FHIT: variants seen among roughly 807,000 people sequenced by gnomAD.
FHIT encodes the protein fragile histidine triad diadenosine triphosphatase, also known as bis(5'-adenosyl)-triphosphatase.
A neutral mutation model predicts 17.9 loss-of-function variants in FHIT; 19 were observed. The ratio of observed to expected loss-of-function variants is 1.06; its 90% confidence interval spans 0.74 to 1.56. The LOEUF is 1.56. Ranked by LOEUF, FHIT falls within the 40% of genes most tolerant of loss-of-function variation. FHIT has a pLI of 0.00. For synonymous variants in FHIT, 81 were observed against 69.7 expected (o/e 1.16, Z -0.81); for missense variants, 248 against 189.2 (o/e 1.31, Z -1.82).
chr3:60,128,745 G>A lies in FHIT; in HGVS notation c.104-114593C>T, dbSNP rs190022437. Among the ~76,000 whole-genome samples the A allele has an allele frequency of 2.0e-5, 3 of 152,226 alleles. No individual in the cohort carries two copies. The East Asian group carries it at 5.8e-4, about 30-fold the overall frequency. On this transcript the variant is annotated intron_variant, in intron 5 of 9. Coordinates refer to ENST00000492590, the MANE Select transcript of FHIT (RefSeq NM_002012.4). ...ATTAGCAGAGTCTGTGATTTGGATT[G>A]GACATAGAAATGATATAGTCCATTC...
intron 8 of FHIT, among the ~76,000 whole-genome samples, chr3:59,890,021 T>C (rs1165911730): frequency 1.3e-5 from 2 of 152,218 alleles, no homozygotes; most frequent in Non-Finnish European, 2.9e-5. Flanking sequence ...AATGAAGACG[T>C]CATTAAAAAA....
intron 2 of FHIT, among the ~76,000 whole-genome samples, chr3:61,198,475 A>G (rs1473316091): frequency 6.6e-6 from 1 of 152,126 alleles, no homozygotes; most frequent in Non-Finnish European, 1.5e-5. Flanking sequence ...AATTACCTCA[A>G]AAAGAAATAA....
intron 5 of FHIT, among the ~76,000 whole-genome samples, chr3:60,111,531 C>T (rs75406466): frequency 0.027 from 4,129 of 152,248 alleles, 196 homozygotes; most frequent in African/African-American, 0.094. Context: ...TTCTTTGGGG[C>T]TATCTTTCCT....
chr3:60,713,034 T>A (rs1232142899), intron 4 of FHIT, among the ~76,000 whole-genome samples: 1 of 151,762 alleles, frequency 6.6e-6, no homozygotes, highest in Non-Finnish European at 1.5e-5. Context: ...GAAGTAAAGC[T>A]CTCCTCAACA....
At chr3:60,579,336 G>A (rs2037679747) in intron 4 of FHIT, among the ~76,000 whole-genome samples, 2 of 152,060 alleles carry the variant, frequency 1.3e-5, no homozygotes, top group African/African-American at 4.8e-5. Context: ...GTATATTTGT[G>A]TATCTAAATA....
Position 59,890,686 on chromosome 3 carries a change from A to T in FHIT, c.348+31660T>A, listed in dbSNP as rs147738653. On this transcript the variant is annotated intron_variant, in intron 8 of 9. Transcript: ENST00000492590. ...TGATCTTTGAAACACTATTACCAAA[A>T]AGCTGCTCAAAAGAGAGAGAGAAAT... 1.9e-3 allele frequency among the ~76,000 whole-genome samples: 282 copies of T among 152,304 alleles called. 1 individual carries two copies. The highest frequency in any genetic ancestry group is 6.2e-3 in the African/African-American group (257 of 41,562).
intron 5 of FHIT, among the ~76,000 whole-genome samples, chr3:60,441,728 A>G: frequency 1.1e-5 from 1 of 91,740 alleles, no homozygotes; most frequent in African/African-American, 4.6e-5. Context: ...ATATATTTGT[A>G]TTTATATATA....
At chr3:61,044,253 G>T (rs1048260452) in intron 2 of FHIT, among the ~76,000 whole-genome samples, 1 of 152,142 alleles carries the variant, frequency 6.6e-6, no homozygotes, top group Non-Finnish European at 1.5e-5. Flanking sequence ...TACATGAATG[G>T]CTAACTAGAA....
At chr3:61,120,595 C>T (rs1223044800) in intron 2 of FHIT, among the ~76,000 whole-genome samples, 1 of 152,102 alleles carries the variant, frequency 6.6e-6, no homozygotes, top group East Asian at 1.9e-4. Flanking sequence ...CTTTAGAAAT[C>T]CCCAACCAAC....
At chr3:60,986,723 C>T (rs970084880) in intron 3 of FHIT, among the ~76,000 whole-genome samples, 3 of 152,136 alleles carry the variant, frequency 2.0e-5, no homozygotes, top group Non-Finnish European at 2.9e-5. Flanking sequence ...GATAGCTTCA[C>T]CACACACTCA....
chr3:60,516,489 G>T (rs377390956), intron 5 of FHIT, among the ~76,000 whole-genome samples: 50 of 152,168 alleles, frequency 3.3e-4, no homozygotes, highest in Middle Eastern at 6.8e-3. Flanking sequence ...GACCTTCCGG[G>T]GCCCCAGGAC....
intron 5 of FHIT, among the ~76,000 whole-genome samples, chr3:60,332,364 G>C (rs1710022037): frequency 6.6e-6 from 1 of 152,162 alleles, no homozygotes; most frequent in Admixed American, 6.5e-5. Context: ...GGTATGCTTG[G>C]CTATAGAGTA....
chr3:60,701,283 T>C (rs2041240767), intron 4 of FHIT, among the ~76,000 whole-genome samples: 1 of 152,006 alleles, frequency 6.6e-6, no homozygotes, highest in Non-Finnish European at 1.5e-5. Context: ...GCCACTGTAA[T>C]TGCCCAGTGG....
intron 7 of FHIT, among the ~76,000 whole-genome samples, chr3:60,010,161 G>A (rs1344831281): frequency 6.6e-6 from 1 of 152,184 alleles, no homozygotes; most frequent in Non-Finnish European, 1.5e-5. Context: ...TTAAACATTT[G>A]TGTTTTGCAT....
At chr3:60,793,817 T>A (rs969245061) in intron 4 of FHIT, among the ~76,000 whole-genome samples, 9 of 152,098 alleles carry the variant, frequency 5.9e-5, no homozygotes, top group Non-Finnish European at 1.0e-4. Flanking sequence ...GTTCCTAAAC[T>A]CCAAGCACTT....
rs560627587 is a variant in FHIT, at chr3:60,881,816, A to T, written c.-110-59805T>A. On this transcript the variant is annotated intron_variant, in intron 3 of 9. Coordinates refer to ENST00000492590, the MANE Select transcript of FHIT (RefSeq NM_002012.4). ...CACATCAAAAGAGTAGAAAGACTTT[A>T]AATAAATAATCTAACAGTGCAAGAA... Among the ~76,000 whole-genome samples the T allele has an allele frequency of 3.3e-5, 5 of 152,226 alleles. No individual in the cohort carries two copies. The South Asian group carries it at 1.0e-3, about 32-fold the overall frequency.
At chr3:59,789,970 C>G (rs1699479906) in intron 8 of FHIT, among the ~76,000 whole-genome samples, 1 of 152,196 alleles carries the variant, frequency 6.6e-6, no homozygotes, top group South Asian at 2.1e-4. Flanking sequence ...ACTCCCAAAG[C>G]TTCCCATTGT....
chr3:60,189,297 A>AT (rs1011397109), intron 5 of FHIT, among the ~76,000 whole-genome samples: 1 of 152,066 alleles, frequency 6.6e-6, no homozygotes, highest in East Asian at 1.9e-4. Context: ...AGATCTCCGG[A>AT]TTTTTTTGTA....
intron 2 of FHIT, among the ~76,000 whole-genome samples, chr3:61,130,303 T>C (rs2036727010): frequency 6.6e-6 from 1 of 152,166 alleles, no homozygotes. Context: ...CAACTCCACG[T>C]GTTGTGTTAC....
Sources: allele counts gnomAD v4.1 joint callset (sites outside exome capture counted in the v4.1 genomes callset), GRCh38; gene constraint gnomAD v4.1.1; transcripts MANE v1.5; gene names NCBI Gene and HGNC (gene_info 2026-07-23, HGNC 2026-07-21).